ZAN: variants seen among roughly 807,000 people sequenced by gnomAD.
ZAN encodes zonadhesin (gene/pseudogene).
ZAN carries 260 observed loss-of-function variants against 286.2 expected under a neutral mutation model. The ratio of observed to expected loss-of-function variants is 0.91; its 90% confidence interval spans 0.82 to 1.01. ZAN has a LOEUF of 1.01. Among genes scored for constraint, ZAN ranks in the 50% least tolerant of loss-of-function variants. ZAN has a pLI of 0.00. For synonymous variants in ZAN, 1,368 were observed against 1,417.5 expected (o/e 0.97, Z 0.79); for missense variants, 3,410 against 3,639.2 (o/e 0.94, Z 1.62).
chr7:100,735,597 A>C lies in ZAN; in HGVS notation c.54-123A>C, dbSNP rs1276713196. 2.7e-6 allele frequency: 2 copies of C among 731,354 alleles called. 1 individual carries two copies. The highest frequency in any genetic ancestry group is 6.7e-5 in the Admixed American group (2 of 29,950). The allele number at this position is 731,354 out of a possible 1,614,324, so 45.3% of individuals were successfully genotyped here. ...AAAAAGAAAAAAAGTCAAGTCAGAC[A>C]CATTCACTGCATAAACACTGATCAT... On this transcript the variant is annotated intron_variant, in intron 2 of 47. Coordinates refer to ENST00000613979, the MANE Select transcript of ZAN (RefSeq NM_003386.3).
Position 100,764,039 on chromosome 7 carries a change from G to A in ZAN, c.4110G>A (p.Leu1370=). 6.2e-7 allele frequency: 1 copy of A among 1,613,878 alleles called. No homozygotes were observed. The highest frequency in any genetic ancestry group is 1.3e-5 in the African/African-American group (1 of 75,062). ...TCACTCCCCTCAGGACATGCCTGCT[G>A]CACGTGAAGGCCGCTTCCTTCTTCG... ...DTHGPFETCL[L]HVKAASFFDS... The change falls in exon 22 of 48, where the codon CTG becomes CTA. Residue 1370 remains leucine (L), a synonymous_variant. Coordinates refer to ENST00000613979, the MANE Select transcript of ZAN (RefSeq NM_003386.3).
Position 100,752,624 on chromosome 7 carries a change from C to G in ZAN, c.2519C>G (p.Thr840Arg). Residue 840 changes from threonine to arginine, a missense_variant, in exon 14 of 48, where the codon ACA becomes AGA. This residue lies in a region of ZAN where 90 missense variants were observed against 87.1 expected (regional missense o/e 1.03). Coordinates refer to ENST00000613979, the MANE Select transcript of ZAN (RefSeq NM_003386.3). ...TTSVEETTIS[T>R]EKLTIPMEKP... ...TCTGTTGAAGAGACTACCATCTCTA[C>G]AGAAAAACTCACCATCCCCATGGAA... 6.2e-7 allele frequency: 1 copy of G among 1,612,236 alleles called. No individual in the cohort carries two copies. Among genetic ancestry groups the G allele is most frequent in the Non-Finnish European group, 8.5e-7 (1 of 1,179,418 alleles).
chr7:100,796,518 G>A (rs1363167323), intron 45 of ZAN, among the ~76,000 whole-genome samples: 2 of 150,040 alleles, frequency 1.3e-5, no homozygotes, highest in Non-Finnish European at 2.9e-5. Flanking sequence ...CCGGGTTCAA[G>A]TGATTCTCCT....
At position 100,765,490 on chromosome 7, in the gene ZAN, G is replaced by C. The variant is rs1156831515; in HGVS notation, c.4406G>C (p.Ser1469Thr). The stretch of plus-strand genomic sequence containing the variant: ...GAATGCAATCCGGGCTTCGTCCTCA[G>C]TGGCCTCGAGTGCATACCTCGCTCC... ...ACECNPGFVLSGLECIPRSQC... is the reference protein window; with the variant it reads ...ACECNPGFVLTGLECIPRSQC... The change falls in exon 23 of 48, where the codon AGT becomes ACT. Residue 1469 changes from serine to threonine, a missense_variant. Around this residue, in one of 7 missense-constraint regions of ZAN, gnomAD observed 1,042 missense variants for 1,058.0 expected, o/e 0.98. Transcript: ENST00000613979. 2 of 1,612,690 alleles carry C rather than the reference G, an allele frequency of 1.2e-6. No homozygotes were observed. The highest frequency in any genetic ancestry group is 1.7e-6 in the Non-Finnish European group (2 of 1,179,464).
intron 25 of ZAN, among the ~76,000 whole-genome samples, chr7:100,767,467 GTTTTTTT>G (rs35803818): frequency 1.3e-5 from 1 of 77,972 alleles, no homozygotes; most frequent in Non-Finnish European, 2.6e-5. Flanking sequence ...GTTTTTTGCC[GTTTTTTT>G]TTTTTTTTTT....
intron 28 of ZAN, among the ~76,000 whole-genome samples, chr7:100,770,197 T>C (rs1810280371): frequency 1.3e-5 from 2 of 151,772 alleles, no homozygotes; most frequent in Admixed American, 1.3e-4. Context: ...TTTCTTTTTT[T>C]TTTTCCTATT....
chr7:100,772,550 G>A (rs1191231663), intron 29 of ZAN, among the ~76,000 whole-genome samples: 2 of 152,014 alleles, frequency 1.3e-5, no homozygotes, highest in Non-Finnish European at 2.9e-5. Context: ...TGCCGGGCGC[G>A]GTGGCTCATG....
At position 100,763,747 on chromosome 7, in the gene ZAN, T is replaced by G. The variant is rs1584588249; in HGVS notation, c.3987-59T>G. The G allele has an allele frequency of 1.9e-6, 3 of 1,545,234 alleles. No individual in the cohort carries two copies. The highest frequency in any genetic ancestry group is 1.8e-6 in the Non-Finnish European group (2 of 1,119,608). On this transcript the variant is annotated intron_variant, in intron 20 of 47. Coordinates refer to ENST00000613979, the MANE Select transcript of ZAN (RefSeq NM_003386.3). This position sits in a 1 kb window ranked among gnomAD's most constrained non-coding sequence, Gnocchi z 4.6. Reference sequence around the variant, plus strand: ...CCTGCCAGCCTTGCTGCCTGCTGGGTTAGGGATGAGCTGGAAGCGAGCTTT... The same window carrying G: ...CCTGCCAGCCTTGCTGCCTGCTGGGGTAGGGATGAGCTGGAAGCGAGCTTT...
chr7:100,755,502 A>G (rs6971700), intron 15 of ZAN, 92 bp downstream of exon 15: 487,612 of 1,454,332 alleles, frequency 0.34, 83,262 homozygotes, highest in South Asian at 0.45. Flanking sequence ...TGAAGGCAAC[A>G]GGGATCACCG....
intron 14 of ZAN, among the ~76,000 whole-genome samples, chr7:100,753,719 G>C (rs979026998): frequency 2.7e-5 from 4 of 150,436 alleles, no homozygotes; most frequent in Non-Finnish European, 5.9e-5. Flanking sequence ...TGTAGTCCCA[G>C]CTACTCGGGA....
intron 39 of ZAN, among the ~76,000 whole-genome samples, chr7:100,790,535 C>A (rs1478907086): frequency 2.1e-5 from 3 of 145,472 alleles, no homozygotes; most frequent in Non-Finnish European, 4.5e-5. Context: ...GCACTCCAGC[C>A]TGGGCAACGG....
At position 100,792,077 on chromosome 7, in the gene ZAN, T is replaced by C. The variant is rs368227055; in HGVS notation, c.7641T>C (p.Cys2547=). 3.0e-5 allele frequency: 48 copies of C among 1,612,986 alleles called. No individual in the cohort carries two copies. In the African/African-American group the frequency reaches 6.0e-4, roughly 20 times the overall value. The change falls in exon 41 of 48, where the codon TGT becomes TGC. Residue 2547 remains cysteine (C), a synonymous_variant. Coordinates refer to ENST00000613979, the MANE Select transcript of ZAN (RefSeq NM_003386.3). ...EQLASNSTQA[C]RVLADPQGPF... ...TGGCGAGCAACAGCACCCAGGCCTG[T>C]AGGGTGCTGGCAGACCCCCAGGGCC...
At chr7:100,741,064 C>T (rs1245047541) in intron 7 of ZAN, among the ~76,000 whole-genome samples, 12 of 45,646 alleles carry the variant, frequency 2.6e-4, no homozygotes, top group African/African-American at 7.9e-4. Flanking sequence ...CGGGCAGAGG[C>T]GCCCCTCACC....
In ZAN at chr7:100,787,937, ACGGCTTCAGCTACCGCT is replaced by A; in HGVS notation, c.7029_7045del (p.Gly2344AlafsTer17). 4 of 1,303,774 alleles carry A rather than the reference ACGGCTTCAGCTACCGCT, an allele frequency of 3.1e-6. No homozygotes were observed. Among genetic ancestry groups the A allele is most frequent in the South Asian group, 1.3e-5 (1 of 77,192 alleles). The allele number at this position is 1,303,774 out of a possible 1,614,324, so 80.8% of individuals were successfully genotyped here. On this transcript the variant is annotated frameshift_variant, in exon 38 of 48. Transcript: ENST00000613979. LOFTEE classifies it high-confidence loss of function. ...GGCGACCCCCGTTACCTCACATTTG[ACGGCTTCAGCTACCGCT>A]TGCAAGGCCGCATGACCTATGTTCT...
intron 35 of ZAN, among the ~76,000 whole-genome samples, chr7:100,780,868 T>C (rs1347612686): frequency 6.6e-6 from 1 of 151,650 alleles, no homozygotes; most frequent in East Asian, 1.9e-4. Context: ...GAAGGGAGGA[T>C]TGCTTGAGGC....
At chr7:100,769,851 G>C in intron 27 of ZAN, 29 bp from the exon 28 acceptor site, 1 of 1,547,604 alleles carries the variant, frequency 6.5e-7, no homozygotes, top group Non-Finnish European at 8.7e-7. Flanking sequence ...CCAACCTGTA[G>C]CCCTCAGTTT....
At chr7:100,768,526 TG>T in intron 26 of ZAN, 83 bp from the exon 27 acceptor site, 1 of 1,131,502 alleles carries the variant, frequency 8.8e-7, no homozygotes, top group Non-Finnish European at 1.3e-6. Flanking sequence ...GAATGAAAAG[TG>T]AGGGTGCCAG....
chr7:100,784,956 C>T, intron 36 of ZAN, 122 bp downstream of exon 36: 2 of 1,156,394 alleles, frequency 1.7e-6, no homozygotes, highest in Non-Finnish European at 2.4e-6. Context: ...GGTGTGAAGG[C>T]TGGTGTGAGT....
At chr7:100,759,622 G>A in intron 17 of ZAN, 99 bp from the exon 18 acceptor site, 1 of 1,416,308 alleles carries the variant, frequency 7.1e-7, no homozygotes, top group Admixed American at 2.7e-5. Context: ...GTGTCTCGGT[G>A]GCGCTCATCT....
Sources: gnomAD v4.1 joint callset for allele counts (sites outside exome capture counted in the v4.1 genomes callset) on GRCh38, gnomAD v4.1.1 for gene constraint, gnomAD v4.1.1 regional missense constraint, Gnocchi (gnomAD v3.1) non-coding constraint, MANE v1.5 for transcripts, NCBI Gene and HGNC (gene_info 2026-07-23, HGNC 2026-07-21) for gene names.